The following TSPAN5 variants were observed in gnomAD, a reference collection of about 807,000 sequenced individuals.
TSPAN5 encodes the protein tetraspanin-5.
In TSPAN5, 10 loss-of-function variants were observed where a neutral mutation model predicts 37.1. The ratio of observed to expected loss-of-function variants is 0.27; its 90% CI spans 0.17 to 0.46. TSPAN5 has a LOEUF of 0.46. Ranked by LOEUF, TSPAN5 falls within the 20% of genes least tolerant of loss-of-function variation. The probability of loss-of-function intolerance (pLI) is 1.00; values close to 1 mark genes in which losing one functional copy is unlikely to be tolerated. For synonymous variants in TSPAN5, 110 were observed against 118.9 expected (o/e 0.93, Z 0.48); for missense variants, 195 against 326.6 (o/e 0.60, Z 3.11).
At chr4:98,515,387 C>G (rs187691169) in intron 1 of TSPAN5, among the ~76,000 whole-genome samples, 6 of 152,260 alleles carry the variant, frequency 3.9e-5, no homozygotes, top group East Asian at 1.9e-4. Flanking sequence ...TTCCTGCCCC[C>G]CTCCTGACAC....
intron 1 of TSPAN5, among the ~76,000 whole-genome samples, chr4:98,516,434 T>C (rs1753730524): frequency 6.6e-6 from 1 of 152,234 alleles, no homozygotes; most frequent in South Asian, 2.1e-4. Flanking sequence ...TCCTGACTGC[T>C]TCCAGCTTCT....
At chr4:98,541,881 G>A (rs1053064249) in intron 1 of TSPAN5, among the ~76,000 whole-genome samples, 1 of 152,110 alleles carries the variant, frequency 6.6e-6, no homozygotes, top group Non-Finnish European at 1.5e-5. Flanking sequence ...ATTTTAGAGA[G>A]ATATGGAGAG....
At position 98,577,573 on chromosome 4, in the gene TSPAN5, G is replaced by C. The variant is rs972322234; in HGVS notation, c.82-69845C>G. On this transcript the variant is annotated intron_variant, in intron 1 of 7. Coordinates refer to ENST00000305798, the MANE Select transcript of TSPAN5 (RefSeq NM_005723.4). Reference sequence around the variant, plus strand: ...GGTCCGTTTATTTTGGACCTGTACTGTATCAATTTTTGCTGTTTATCACAT... The same window carrying C: ...GGTCCGTTTATTTTGGACCTGTACTCTATCAATTTTTGCTGTTTATCACAT... Among the ~76,000 whole-genome samples, 3 of 152,178 alleles carry C rather than the reference G, an allele frequency of 2.0e-5. No individual in the cohort carries two copies. In the East Asian group the frequency reaches 5.8e-4, roughly 29 times the overall value.
intron 2 of TSPAN5, among the ~76,000 whole-genome samples, chr4:98,494,829 A>G (rs1304145389): frequency 6.6e-6 from 1 of 152,108 alleles, no homozygotes; most frequent in Non-Finnish European, 1.5e-5. Flanking sequence ...ATCATGCCTA[A>G]CAGAGGTGAC....
intron 1 of TSPAN5, among the ~76,000 whole-genome samples, chr4:98,566,832 C>T (rs545290766): frequency 4.6e-5 from 7 of 152,308 alleles, no homozygotes; most frequent in East Asian, 1.9e-4. Flanking sequence ...GCAGGGGCAC[C>T]GCACGCAGGA....
intron 1 of TSPAN5, among the ~76,000 whole-genome samples, chr4:98,546,125 A>C (rs1365548448): frequency 1.3e-5 from 2 of 152,216 alleles, no homozygotes; most frequent in African/African-American, 2.4e-5. Flanking sequence ...ATTTTAAAGA[A>C]GGGCAAACTG....
intron 1 of TSPAN5, among the ~76,000 whole-genome samples, chr4:98,589,396 AGAG>A (rs1431176613): frequency 6.6e-6 from 1 of 152,190 alleles, no homozygotes; most frequent in Non-Finnish European, 1.5e-5. Context: ...GGCCTGACTT[AGAG>A]AAGAGGCCGG....
At chr4:98,626,990 T>C (rs1007339584) in intron 1 of TSPAN5, among the ~76,000 whole-genome samples, 2 of 143,876 alleles carry the variant, frequency 1.4e-5, no homozygotes, top group Non-Finnish European at 1.5e-5. Context: ...GATGAATGAA[T>C]ATCATCAATG....
intron 1 of TSPAN5, among the ~76,000 whole-genome samples, chr4:98,591,890 AG>A (rs1755642654): frequency 6.6e-6 from 1 of 151,990 alleles, no homozygotes; most frequent in Non-Finnish European, 1.5e-5. Context: ...GAAAATGGTA[AG>A]AACCAAAAAT....
At chr4:98,557,453 G>C (rs1344505426) in intron 1 of TSPAN5, among the ~76,000 whole-genome samples, 1 of 152,152 alleles carries the variant, frequency 6.6e-6, no homozygotes, top group Non-Finnish European at 1.5e-5. Context: ...CCCTTAGGTA[G>C]AATAAAATGT....
intron 2 of TSPAN5, among the ~76,000 whole-genome samples, chr4:98,493,825 C>A (rs1386145783): frequency 6.6e-6 from 1 of 152,150 alleles, no homozygotes; most frequent in African/African-American, 2.4e-5. Flanking sequence ...TTGACCATAA[C>A]ATAAAGTGCT....
chr4:98,579,769 C>G (rs188683164), intron 1 of TSPAN5, among the ~76,000 whole-genome samples: 6 of 152,246 alleles, frequency 3.9e-5, no homozygotes, highest in African/African-American at 1.4e-4. Flanking sequence ...CTATGGAAGG[C>G]GAAAGCTCCT....
intron 1 of TSPAN5, among the ~76,000 whole-genome samples, chr4:98,515,867 CA>C (rs1285874207): frequency 6.6e-6 from 1 of 152,208 alleles, no homozygotes; most frequent in Non-Finnish European, 1.5e-5. Context: ...CTTTTCTTAG[CA>C]ACCTAGTTCA....
intron 1 of TSPAN5, among the ~76,000 whole-genome samples, chr4:98,548,493 A>C (rs1274064191): frequency 6.6e-6 from 1 of 152,184 alleles, no homozygotes; most frequent in Admixed American, 6.5e-5. Flanking sequence ...GGTACCAGCT[A>C]ATGGCACAGT....
intron 1 of TSPAN5, among the ~76,000 whole-genome samples, chr4:98,606,064 G>A (rs1011304783): frequency 2.0e-5 from 3 of 152,224 alleles, no homozygotes; most frequent in Non-Finnish European, 4.4e-5. Flanking sequence ...AGCAGTAACA[G>A]CTGCTCTGGG....
At chr4:98,657,120 T>C (rs905870072) in intron 1 of TSPAN5, among the ~76,000 whole-genome samples, 1 of 152,156 alleles carries the variant, frequency 6.6e-6, no homozygotes, top group Non-Finnish European at 1.5e-5. Context: ...AAAAATAACA[T>C]GGTCTTTGAA....
intron 5 of TSPAN5, 30 bp downstream of exon 5, chr4:98,478,655 T>C (rs1300289901): frequency 9.9e-6 from 16 of 1,613,836 alleles, no homozygotes; most frequent in Non-Finnish European, 1.4e-5. Context: ...ATGTACAGAG[T>C]AGGCCAATAG....
In TSPAN5 at chr4:98,527,729, G is replaced by A. The variant is rs143455213; in HGVS notation, c.82-20001C>T. Among the ~76,000 whole-genome samples the A allele has an allele frequency of 4.8e-3, 731 of 152,268 alleles. 5 individuals carry two copies. The highest frequency in any genetic ancestry group is 0.014 in the Middle Eastern group (4 of 294). On this transcript the variant is annotated intron_variant, in intron 1 of 7. Transcript: ENST00000305798. ...TCCGGGAACAACTGTGAGGACTAAC[G>A]GTGTAATCTATGAAGTGCACAGGGC...
chr4:98,524,522 C>T (rs1408936126), intron 1 of TSPAN5, among the ~76,000 whole-genome samples: 1 of 152,104 alleles, frequency 6.6e-6, no homozygotes, highest in Non-Finnish European at 1.5e-5. Context: ...CGTAAATAAG[C>T]CACCTGATTT....
Sources: gnomAD v4.1 joint callset for allele counts (sites outside exome capture counted in the v4.1 genomes callset) on GRCh38, gnomAD v4.1.1 for gene constraint, MANE v1.5 for transcripts, NCBI Gene and HGNC (gene_info 2026-07-23, HGNC 2026-07-21) for gene names.